Variants in PPP1R15B observed in about 807,000 individuals in gnomAD.
PPP1R15B encodes the protein protein phosphatase 1 regulatory subunit 15B, also known as protein phosphatase 1, regulatory (inhibitor) subunit 15B.
Under a neutral mutation model 53.9 loss-of-function variants are expected in PPP1R15B, and 31 were observed. That is an observed-to-expected ratio of 0.58 (90% CI 0.43 to 0.78). The LOEUF is 0.78. PPP1R15B is among the 30% of genes least tolerant of loss of function. PPP1R15B has a pLI of 0.00. For missense variants in PPP1R15B, 928 were observed against 849.6 expected (o/e 1.09, Z -1.15); for synonymous variants, 345 against 329.1 (o/e 1.05, Z -0.52).
chr1:204,396,202 TAAAA>T (rs1674098385), downstream of PPP1R15B, among the ~76,000 whole-genome samples: 1 of 151,572 alleles, frequency 6.6e-6, no homozygotes, highest in African/African-American at 2.4e-5. Context: ...CTAGAAGAGC[TAAAA>T]GTGTTGAAAG....
chr1:204,399,436 T>A (rs982798562), downstream of PPP1R15B, among the ~76,000 whole-genome samples: 2 of 152,086 alleles, frequency 1.3e-5, no homozygotes, highest in African/African-American at 4.8e-5. Context: ...GGCATCTGCC[T>A]GTAGTCCCAG....
At chr1:204,395,902 A>C (rs917484960), downstream of PPP1R15B, among the ~76,000 whole-genome samples, 2 of 152,236 alleles carry the variant, frequency 1.3e-5, no homozygotes, top group African/African-American at 4.8e-5. Flanking sequence ...ATATGTTTAT[A>C]TGTTTATATA....
In PPP1R15B at chr1:204,410,756, A is replaced by G; in HGVS notation, c.656T>C (p.Val219Ala). 1.2e-6 allele frequency: 2 copies of G among 1,614,194 alleles called. No homozygotes were observed. The highest frequency in any genetic ancestry group is 1.7e-6 in the Non-Finnish European group (2 of 1,180,028). ...GTAGGAAGGGTTCAGCAAATAGGAT[A>G]CCACACTGAAATTGTCTATGCGTTG... is the stretch of plus-strand genomic sequence containing the variant. ...NIQRIDNFSV[V>A]SYLLNPSYLD... The change falls in exon 1 of 2, where the codon GTA (valine) becomes GCA (alanine). Residue 219 changes from valine to alanine, a missense_variant. Val to Ala is a moderately conservative substitution (Grantham distance 64). Coordinates refer to ENST00000367188, the MANE Select transcript of PPP1R15B (RefSeq NM_032833.5).
chr1:204,409,797 C>T lies in PPP1R15B; in HGVS notation c.1615G>A (p.Glu539Lys), dbSNP rs143937424. Residue 539 changes from glutamate to lysine, a missense_variant, in exon 1 of 2, where the codon GAG (glutamate) becomes AAG (lysine). Transcript: ENST00000367188. ...LPETPEHSSG[E>K]EDDWESSADE... Reference sequence around the variant, plus strand: ...GCACTAGATTCCCAGTCATCTTCCTCCCCAGAACTATGCTCAGGGGTCTCA... The same window carrying T: ...GCACTAGATTCCCAGTCATCTTCCTTCCCAGAACTATGCTCAGGGGTCTCA... The T allele has an allele frequency of 4.6e-5, 74 of 1,614,080 alleles. No individual in the cohort carries two copies. The highest frequency in any genetic ancestry group is 6.3e-5 in the Non-Finnish European group (74 of 1,180,044).
chr1:204,403,766 A>T lies in PPP1R15B; in HGVS notation c.*2326T>A, dbSNP rs1440004376. ...GATTACGGGGGTTTAACTTTGTTCTAACTAGAATTGGGATGAAACAAGAAT... is the reference window on the plus strand; with the variant it reads ...GATTACGGGGGTTTAACTTTGTTCTTACTAGAATTGGGATGAAACAAGAAT... On this transcript the variant is annotated 3_prime_UTR_variant, in exon 2 of 2. Coordinates refer to ENST00000367188, the MANE Select transcript of PPP1R15B (RefSeq NM_032833.5). 1 of 985,614 alleles carries T rather than the reference A, an allele frequency of 1.0e-6. No individual in the cohort carries two copies. Among genetic ancestry groups the T allele is most frequent in the East Asian group, 1.1e-4 (1 of 8,816 alleles). The allele number at this position is 985,614 out of a possible 1,614,324, so 61.1% of individuals were successfully genotyped here.
At position 204,410,237 on chromosome 1, in the gene PPP1R15B, A is replaced by G. The variant is rs768145193; in HGVS notation, c.1175T>C (p.Met392Thr). 1.2e-6 allele frequency: 2 copies of G among 1,614,104 alleles called. No individual in the cohort carries two copies. Among genetic ancestry groups the G allele is most frequent in the East Asian group, 2.2e-5 (1 of 44,880 alleles). Residue 392 changes from methionine to threonine, a missense_variant, in exon 1 of 2, where the codon ATG (methionine) becomes ACG (threonine). Coordinates refer to ENST00000367188, the MANE Select transcript of PPP1R15B (RefSeq NM_032833.5). ...SEGCPSSEIP[M>T]EKEPGEGRIS... ...TCGGCCCTCTCCAGGCTCCTTTTCC[A>G]TAGGTATCTCACTAGATGGACAGCC...
In PPP1R15B at chr1:204,411,207, G is replaced by C; in HGVS notation, c.205C>G (p.Gln69Glu). ...AATCCGGGGAGCGGCGCAAGGAGCT[G>C]GGAGAGCAGTTTCGTCCAGTAACTG... ...RVSYWTKLLS[Q>E]LLAPLPGLLQ... Residue 69 changes from glutamine to glutamate, a missense_variant, in exon 1 of 2, where the codon CAG becomes GAG. Physicochemically the swap from Gln to Glu is conservative, Grantham distance 29. Coordinates refer to ENST00000367188, the MANE Select transcript of PPP1R15B (RefSeq NM_032833.5). 2 of 1,614,256 alleles carry C rather than the reference G, an allele frequency of 1.2e-6. No homozygotes were observed. The highest frequency in any genetic ancestry group is 1.7e-6 in the Non-Finnish European group (2 of 1,180,042).
At chr1:204,401,704 T>C (rs1674181654), downstream of PPP1R15B, among the ~76,000 whole-genome samples, 1 of 152,160 alleles carries the variant, frequency 6.6e-6, no homozygotes, top group African/African-American at 2.4e-5. Flanking sequence ...TCTGAGTAAC[T>C]ATCTAAATTT....
At chr1:204,398,132 A>T (rs1024878750), downstream of PPP1R15B, among the ~76,000 whole-genome samples, 2 of 152,208 alleles carry the variant, frequency 1.3e-5, no homozygotes, top group African/African-American at 4.8e-5. Context: ...CAGAGGAAGA[A>T]AGGAAAGAGC....
rs551956592 is a variant in PPP1R15B, at chr1:204,405,555, C to T, written c.*537G>A. Reference sequence around the variant, plus strand: ...AAAAAAAGTGACACAAAATAATGCACTTTAAGTTGGTAGCATACACAAGGT... The same window carrying T: ...AAAAAAAGTGACACAAAATAATGCATTTTAAGTTGGTAGCATACACAAGGT... On this transcript the variant is annotated 3_prime_UTR_variant, in exon 2 of 2. Coordinates refer to ENST00000367188, the MANE Select transcript of PPP1R15B (RefSeq NM_032833.5). 3.6e-5 allele frequency: 35 copies of T among 981,640 alleles called. No individual in the cohort carries two copies. In the South Asian group the frequency reaches 1.4e-3, roughly 40 times the overall value. The allele number at this position is 981,640 out of a possible 1,614,324, so 60.8% of individuals were successfully genotyped here.
downstream of PPP1R15B, among the ~76,000 whole-genome samples, chr1:204,396,455 A>C (rs992107178): frequency 2.0e-5 from 3 of 149,996 alleles, no homozygotes; most frequent in African/African-American, 7.3e-5. Context: ...CAGGAGGCTG[A>C]GGTGGGAGGA....
intron 1 of PPP1R15B, among the ~76,000 whole-genome samples, chr1:204,406,905 A>C (rs112586211): frequency 0.1 from 15,073 of 150,628 alleles, 1,342 homozygotes; most frequent in African/African-American, 0.24. Context: ...TGCCCCCCCC[A>C]ATCCCCCACC....
Position 204,409,719 on chromosome 1 carries a change from G to A in PPP1R15B, c.1693C>T (p.Pro565Ser). ...GCCTTAAAATTTAAAGGGTTGTAGG[G>A]GTCATCAGAATTACAGAATGAGTTC... The part of the protein sequence containing the change: ...LWNSFCNSDD[P>S]YNPLNFKAPF... Residue 565 changes from proline (P) to serine (S), a missense_variant, in exon 1 of 2, where the codon CCC becomes TCC. Transcript: ENST00000367188. 3 of 1,614,010 alleles carry A rather than the reference G, an allele frequency of 1.9e-6. No individual in the cohort carries two copies. Among genetic ancestry groups the A allele is most frequent in the Non-Finnish European group, 2.5e-6 (3 of 1,180,004 alleles).
In PPP1R15B at chr1:204,410,396, C is replaced by G; in HGVS notation, c.1016G>C (p.Cys339Ser). 6.2e-7 allele frequency: 1 copy of G among 1,614,196 alleles called. No homozygotes were observed. The highest frequency in any genetic ancestry group is 8.5e-7 in the Non-Finnish European group (1 of 1,180,026). ...HSLLRMDPKH[C>S]RDNPTQFVPA... is the part of the protein sequence containing the mutation. ...AACAAACTGTGTTGGGTTATCTCTG[C>G]AGTGTTTTGGATCCATCCGGAGAAG... Residue 339 changes from cysteine (C) to serine (S), a missense_variant, in exon 1 of 2, where the codon TGC (cysteine) becomes TCC (serine). Cys to Ser is a moderately radical substitution (Grantham distance 112). Transcript: ENST00000367188.
rs1674213821 is a variant in PPP1R15B at position 204,403,515 on chromosome 1, C to A, written c.*2577G>T. On this transcript the variant is annotated 3_prime_UTR_variant, in exon 2 of 2. Transcript: ENST00000367188. ...TGATCTGTAGAAGCCAATTTAGAGT[C>A]TTCTAGTCCCCTAACTTTACCTTCC... is the stretch of plus-strand genomic sequence containing the variant. The A allele has an allele frequency of 3.1e-6, 3 of 958,178 alleles. No individual in the cohort carries two copies. Among genetic ancestry groups the A allele is most frequent in the Non-Finnish European group, 3.7e-6 (3 of 804,812 alleles). 59.4% of individuals were successfully genotyped at this position (958,178 alleles called of 1,614,324 possible).
In PPP1R15B at chr1:204,405,295, A is replaced by G; in HGVS notation, c.*797T>C. 4.1e-6 allele frequency: 4 copies of G among 977,858 alleles called. No homozygotes were observed. Among genetic ancestry groups the G allele is most frequent in the Non-Finnish European group, 4.9e-6 (4 of 822,790 alleles). The allele number at this position is 977,858 out of a possible 1,614,324, so 60.6% of individuals were successfully genotyped here. A position where few individuals can be genotyped will look rare whatever the true frequency, so the allele number is the denominator to read the frequency against. On this transcript the variant is annotated 3_prime_UTR_variant, in exon 2 of 2. Coordinates refer to ENST00000367188, the MANE Select transcript of PPP1R15B (RefSeq NM_032833.5). ...GTTTTGCAATAACTTCAACCTGTTAAGAGATACAAAGAACTATATTAAACT... is the reference window on the plus strand; with the variant it reads ...GTTTTGCAATAACTTCAACCTGTTAGGAGATACAAAGAACTATATTAAACT...
Position 204,411,069 on chromosome 1 carries a change from G to C in PPP1R15B, c.343C>G (p.Pro115Ala). Residue 115 changes from proline (P) to alanine (A), a missense_variant, in exon 1 of 2, where the codon CCA (proline) becomes GCA (alanine). Coordinates refer to ENST00000367188, the MANE Select transcript of PPP1R15B (RefSeq NM_032833.5). The part of the protein sequence containing the change: ...ALRALKGREK[P>A]AAPTAQKSLS... ...GATTTCTGCGCTGTGGGGGCGGCTG[G>C]TTTCTCCCGTCCCTTCAGGGCTCTC... is the stretch of plus-strand genomic sequence containing the variant. 6.2e-7 allele frequency: 1 copy of C among 1,614,186 alleles called. No individual in the cohort carries two copies. Among genetic ancestry groups the C allele is most frequent in the Non-Finnish European group, 8.5e-7 (1 of 1,180,020 alleles).
At position 204,410,463 on chromosome 1, in the gene PPP1R15B, C is replaced by A; in HGVS notation, c.949G>T (p.Asp317Tyr). Residue 317 changes from aspartate to tyrosine, a missense_variant, in exon 1 of 2, where the codon GAC becomes TAC. Asp to Tyr is a radical substitution (Grantham distance 160, BLOSUM62 -3). Transcript: ENST00000367188. ...ASKGQDLPTP[D>Y]QDNGYHSLEE... The stretch of plus-strand genomic sequence containing the variant: ...AGGCTGTGGTAGCCATTATCCTGGT[C>A]AGGGGTGGGTAAATCTTGCCCCTTG... 2 of 1,614,192 alleles carry A rather than the reference C, an allele frequency of 1.2e-6. No individual in the cohort carries two copies. Among genetic ancestry groups the A allele is most frequent in the Non-Finnish European group, 1.7e-6 (2 of 1,180,046 alleles).
downstream of PPP1R15B, among the ~76,000 whole-genome samples, chr1:204,399,150 A>G (rs1276075685): frequency 6.6e-6 from 1 of 152,246 alleles, no homozygotes; most frequent in African/African-American, 2.4e-5. Context: ...TAACTTGGCC[A>G]GGCCCAGTGG....
Sources: allele counts gnomAD v4.1 joint callset (sites outside exome capture counted in the v4.1 genomes callset), GRCh38; gene constraint gnomAD v4.1.1; transcripts MANE v1.5; gene names NCBI Gene and HGNC (gene_info 2026-07-23, HGNC 2026-07-21).